Variants in SIK3 observed in about 807,000 individuals in gnomAD.
The protein encoded by SIK3 is SIK family kinase 3, also known as serine/threonine-protein kinase SIK3.
A neutral mutation model predicts 144.2 loss-of-function variants in SIK3; 28 were observed. That is an observed-to-expected ratio of 0.19 (90% CI 0.14 to 0.27). The LOEUF is 0.27. Among genes scored for constraint, SIK3 ranks in the 10% least tolerant of loss-of-function variants. The pLI, the probability that SIK3 is intolerant of heterozygous loss-of-function variation, is 1.00. For missense variants in SIK3, 1,319 were observed against 1,776.0 expected, an observed-to-expected ratio of 0.74 and a Z score of 4.62; for synonymous variants, 686 against 676.3, an observed-to-expected ratio of 1.01 and a Z score of -0.22.
chr11:117,080,748 G>A (rs1218408320), intron 1 of SIK3, among the ~76,000 whole-genome samples: 2 of 151,976 alleles, frequency 1.3e-5, no homozygotes, highest in Non-Finnish European at 2.9e-5. Context: ...AGGAGTTCGT[G>A]ACCAGCCAAG....
chr11:116,967,204 AAC>A (rs1949590617), intron 1 of SIK3, among the ~76,000 whole-genome samples: 1 of 152,180 alleles, frequency 6.6e-6, no homozygotes, highest in African/African-American at 2.4e-5. Context: ...AGGTAAAAAT[AAC>A]ACAGACTCAC....
chr11:116,918,985 G>C (rs1946816268), intron 4 of SIK3, among the ~76,000 whole-genome samples: 1 of 152,122 alleles, frequency 6.6e-6, no homozygotes, highest in Non-Finnish European at 1.5e-5. Flanking sequence ...AAAATTCCTA[G>C]ACTCTATTAT....
At chr11:116,938,955 A>G (rs1948138049) in intron 3 of SIK3, among the ~76,000 whole-genome samples, 1 of 152,182 alleles carries the variant, frequency 6.6e-6, no homozygotes, top group South Asian at 2.1e-4. Context: ...CTTAGTCTCC[A>G]CTGGAGATTG....
chr11:116,864,020 A>T (rs1943493266), intron 15 of SIK3: 1 of 463,520 alleles, frequency 2.2e-6, no homozygotes, highest in African/African-American at 2.0e-5. Context: ...TACATCTTCC[A>T]TTTCTACTTA....
At chr11:117,046,515 A>G (rs1242629100) in intron 1 of SIK3, among the ~76,000 whole-genome samples, 1 of 152,218 alleles carries the variant, frequency 6.6e-6, no homozygotes, top group East Asian at 1.9e-4. Flanking sequence ...TTTCATTTAT[A>G]TATCAATCTA....
At chr11:117,005,917 C>T (rs1951029604) in intron 1 of SIK3, among the ~76,000 whole-genome samples, 1 of 152,096 alleles carries the variant, frequency 6.6e-6, no homozygotes, top group African/African-American at 2.4e-5. Flanking sequence ...GAAGAATCTC[C>T]ACTGTAGGGC....
At chr11:116,950,506 C>T (rs969995498) in intron 3 of SIK3, among the ~76,000 whole-genome samples, 1 of 152,160 alleles carries the variant, frequency 6.6e-6, no homozygotes. Flanking sequence ...TTAACTGGCA[C>T]AATGATGAAG....
chr11:117,098,379 C>A lies in SIK3; in HGVS notation c.37G>T (p.Ala13Ser), dbSNP rs1406401848. Residue 13 changes from alanine (A) to serine (S), a missense_variant, in exon 1 of 25, where the codon GCC becomes TCC. Ala to Ser is a moderately conservative substitution (Grantham distance 99). Coordinates refer to ENST00000445177, the MANE Select transcript of SIK3 (RefSeq NM_001366686.3). ...CCGGCTCCCCCAGTCCCGGCCCCGG[C>A]AGCCCCGCCAGCTCCGCTCGCCGCC... Reference protein sequence around the residue: ...AAAASGAGGAAGAGTGGAGPA... With the variant: ...AAAASGAGGASGAGTGGAGPA... 1 of 1,171,928 alleles carries A rather than the reference C, an allele frequency of 8.5e-7. No individual in the cohort carries two copies. Among genetic ancestry groups the A allele is most frequent in the Non-Finnish European group, 1.1e-6 (1 of 950,946 alleles). 72.6% of individuals were successfully genotyped at this position (1,171,928 alleles called of 1,614,324 possible).
chr11:116,967,016 A>AAAAAAAAG (rs1949579015), intron 1 of SIK3, among the ~76,000 whole-genome samples: 1 of 120,688 alleles, frequency 8.3e-6, no homozygotes, highest in African/African-American at 3.9e-5. Context: ...AAAAAAAAAG[A>AAAAAAAAG]AAAAGAAAAA....
intron 1 of SIK3, among the ~76,000 whole-genome samples, chr11:117,092,209 G>T (rs1483795818): frequency 1.3e-5 from 2 of 152,042 alleles, no homozygotes; most frequent in Admixed American, 1.3e-4. Flanking sequence ...CCTCCTACAT[G>T]TCTGGCCTCA....
intron 1 of SIK3, among the ~76,000 whole-genome samples, chr11:116,960,264 G>A (rs939342138): frequency 6.6e-6 from 1 of 152,204 alleles, no homozygotes; most frequent in East Asian, 1.9e-4. Context: ...GGTGGTTCAC[G>A]CCTGTAATTC....
intron 1 of SIK3, among the ~76,000 whole-genome samples, chr11:117,078,650 G>A (rs769207090): frequency 1.3e-5 from 2 of 152,024 alleles, no homozygotes; most frequent in African/African-American, 2.4e-5. Context: ...CAATCCGCCC[G>A]CCTTGGCCTC....
At chr11:116,984,352 T>C (rs1227996453) in intron 1 of SIK3, among the ~76,000 whole-genome samples, 1 of 152,172 alleles carries the variant, frequency 6.6e-6, no homozygotes, top group Non-Finnish European at 1.5e-5. Context: ...TATGACCTTT[T>C]AGCTCAGCCT....
intron 1 of SIK3, among the ~76,000 whole-genome samples, chr11:117,065,417 T>G (rs1953966939): frequency 6.6e-6 from 1 of 151,908 alleles, no homozygotes; most frequent in Non-Finnish European, 1.5e-5. Context: ...AGAAATGAAT[T>G]TTTCATTTTT....
rs758423345 is a variant in SIK3, at chr11:116,849,167, G to C, written c.3772C>G (p.Arg1258Gly). 2 of 1,612,770 alleles carry C rather than the reference G, an allele frequency of 1.2e-6. No homozygotes were observed. Among genetic ancestry groups the C allele is most frequent in the South Asian group, 1.1e-5 (1 of 91,024 alleles). Residue 1258 changes from arginine to glycine, a missense_variant, in exon 22 of 25, where the codon CGG becomes GGG. By Grantham distance (125) the Arg-to-Gly change is moderately radical. Coordinates refer to ENST00000445177, the MANE Select transcript of SIK3 (RefSeq NM_001366686.3). The surrounding 1 kb of genome is among the most constrained non-coding windows in gnomAD (Gnocchi z 4.2). ...RPSVHEHHRP[R>G]ALQRHHTIQN... is the part of the protein sequence containing the mutation. ...ATCGTGTGGTGTCTCTGGAGGGCCC[G>C]GGGCCTGTGGTGCTCATGGACGGAG...
chr11:117,036,889 C>T (rs1422235046), intron 1 of SIK3, among the ~76,000 whole-genome samples: 2 of 152,106 alleles, frequency 1.3e-5, no homozygotes, highest in East Asian at 3.8e-4. Flanking sequence ...CCATATGAAT[C>T]AATCAATTCA....
chr11:116,969,702 A>G (rs1949701552), intron 1 of SIK3, among the ~76,000 whole-genome samples: 1 of 152,226 alleles, frequency 6.6e-6, no homozygotes, highest in Non-Finnish European at 1.5e-5. Flanking sequence ...ATGATCATAC[A>G]CAGCAGTAGA....
At chr11:116,938,068 G>A (rs1166275519) in intron 3 of SIK3, among the ~76,000 whole-genome samples, 1 of 151,718 alleles carries the variant, frequency 6.6e-6, no homozygotes, top group African/African-American at 2.4e-5. Flanking sequence ...AGCTGGGCAT[G>A]GTGGCGTGTG....
intron 1 of SIK3, among the ~76,000 whole-genome samples, chr11:116,961,105 G>C (rs372255370): frequency 6.6e-6 from 1 of 152,224 alleles, no homozygotes; most frequent in Non-Finnish European, 1.5e-5. Flanking sequence ...GTGAGCCATA[G>C]GATGGAACCC....
Sources: allele counts gnomAD v4.1 joint callset (sites outside exome capture counted in the v4.1 genomes callset), GRCh38; gene constraint gnomAD v4.1.1; non-coding constraint Gnocchi (gnomAD v3.1); transcripts MANE v1.5; gene names NCBI Gene and HGNC (gene_info 2026-07-23, HGNC 2026-07-21).